The following TCFL5 variants were observed in gnomAD, a reference collection of about 807,000 sequenced individuals.
TCFL5 encodes the protein transcription factor-like 5 protein.
Under a neutral mutation model 44.3 loss-of-function variants are expected in TCFL5, and 9 were observed. The observed-to-expected ratio is 0.20, with a 90% CI of 0.12 to 0.35. The LOEUF (loss-of-function observed/expected upper bound fraction) is 0.35. Among genes scored for constraint, TCFL5 ranks in the 10% least tolerant of loss-of-function variants. The pLI is 1.00. For synonymous variants in TCFL5, 319 were observed against 271.6 expected, an observed-to-expected ratio of 1.17 and a Z score of -1.72; for missense variants, 603 against 613.4, an observed-to-expected ratio of 0.98 and a Z score of 0.18.
chr20:62,845,484 T>C, intron 5 of TCFL5: 1 of 1,386,670 alleles, frequency 7.2e-7, no homozygotes, highest in Non-Finnish European at 9.4e-7. Flanking sequence ...TTTGATAATT[T>C]CCTATATTCT....
chr20:62,841,938 T>TG lies in TCFL5; in HGVS notation c.*36dup, dbSNP rs1210767167. The stretch of plus-strand genomic sequence containing the variant: ...AAGGCGTGCACAGGTCACGAAGGAA[T>TG]GGCTGTTCACCCCCCGAGGATTCCT... On this transcript the variant is annotated 3_prime_UTR_variant, in exon 6 of 6. Coordinates refer to ENST00000335351, the MANE Select transcript of TCFL5 (RefSeq NM_006602.4). The TG allele has an allele frequency of 6.2e-7, 1 of 1,612,022 alleles. No homozygotes were observed. The highest frequency in any genetic ancestry group is 1.3e-5 in the African/African-American group (1 of 74,860).
At chr20:62,846,436 G>T (rs1006314051) in intron 5 of TCFL5, among the ~76,000 whole-genome samples, 1 of 152,200 alleles carries the variant, frequency 6.6e-6, no homozygotes, top group African/African-American at 2.4e-5. Flanking sequence ...GGCCAAAGAC[G>T]TGGTACTGAT....
At position 62,859,345 on chromosome 20, in the gene TCFL5, C is replaced by T. The variant is rs1229745967; in HGVS notation, c.994+19G>A. 1.3e-6 allele frequency: 2 copies of T among 1,598,952 alleles called. No homozygotes were observed. The highest frequency in any genetic ancestry group is 1.7e-6 in the Non-Finnish European group (2 of 1,170,244). On this transcript the variant is annotated intron_variant, in intron 3 of 5. Coordinates refer to ENST00000335351, the MANE Select transcript of TCFL5 (RefSeq NM_006602.4). ...TCAGTCAGAAGAAAGCTCCCACTAC[C>T]TGCTGCTTCATCGCTTACCTCCCAC...
intron 2 of TCFL5, among the ~76,000 whole-genome samples, chr20:62,859,825 A>G (rs536108104): frequency 6.6e-6 from 1 of 151,436 alleles, no homozygotes; most frequent in East Asian, 1.9e-4. Context: ...GGCTCAAGCG[A>G]TTCTCCCGCC....
intron 2 of TCFL5, among the ~76,000 whole-genome samples, 153 bp from the exon 3 acceptor site, chr20:62,859,679 C>T (rs1254961307): frequency 1.3e-5 from 2 of 151,916 alleles, no homozygotes; most frequent in Non-Finnish European, 2.9e-5. Context: ...ATTCGCATAC[C>T]ACATAAACAC....
chr20:62,854,524 C>A lies in TCFL5; in HGVS notation c.1239-367G>T, dbSNP rs536109958. ...TGTCTGACACCTTCTTCCATTTGGACCACTGAGGGGTCCAAATTGGGCAGA... is the reference window on the plus strand; with the variant it reads ...TGTCTGACACCTTCTTCCATTTGGAACACTGAGGGGTCCAAATTGGGCAGA... On this transcript the variant is annotated intron_variant, in intron 4 of 5. Transcript: ENST00000335351. Among the ~76,000 whole-genome samples the A allele has an allele frequency of 7.2e-5, 11 of 152,328 alleles. No individual in the cohort carries two copies. The East Asian group carries it at 1.9e-3, about 27-fold the overall frequency.
intron 5 of TCFL5, chr20:62,845,988 C>T: frequency 7.1e-7 from 1 of 1,413,668 alleles, no homozygotes; most frequent in Non-Finnish European, 9.4e-7. Flanking sequence ...AAGCTCCTGG[C>T]TTCGTGGAGA....
chr20:62,844,120 T>C (rs577958777), intron 5 of TCFL5, among the ~76,000 whole-genome samples: 3 of 152,350 alleles, frequency 2.0e-5, no homozygotes, highest in South Asian at 2.1e-4. Flanking sequence ...GGTGATTCTA[T>C]GTTGAACCTT....
intron 4 of TCFL5, among the ~76,000 whole-genome samples, chr20:62,856,614 G>C (rs187053241): frequency 6.7e-6 from 1 of 148,810 alleles, no homozygotes; most frequent in East Asian, 2.1e-4. Context: ...GCTGAGGCAG[G>C]AGAACGGCAT....
At chr20:62,847,785 G>A (rs11086142) in intron 5 of TCFL5, among the ~76,000 whole-genome samples, 19,759 of 152,226 alleles carry the variant, frequency 0.13, 1,760 homozygotes, top group Non-Finnish European at 0.19. Flanking sequence ...CGAGGCGGGC[G>A]GATCACCTGA....
At chr20:62,846,975 G>A (rs56365037) in intron 5 of TCFL5, among the ~76,000 whole-genome samples, 7,472 of 151,712 alleles carry the variant, frequency 0.049, 269 homozygotes, top group Middle Eastern at 0.11. Flanking sequence ...ACCTGAGGTC[G>A]GGAGTTCACG....
intron 5 of TCFL5, chr20:62,845,055 T>C (rs1451729426): frequency 5.1e-6 from 5 of 985,972 alleles, no homozygotes; most frequent in Non-Finnish European, 4.8e-6. Context: ...CCAAGCAAGC[T>C]GCCATTTCCA....
chr20:62,860,459 C>T, intron 1 of TCFL5, 151 bp from the exon 2 acceptor site: 1 of 690,340 alleles, frequency 1.4e-6, no homozygotes, highest in Non-Finnish European at 2.4e-6. Flanking sequence ...ACTATCGCTG[C>T]TGTGGAAGTC....
chr20:62,845,715 G>T, intron 5 of TCFL5: 1 of 1,606,776 alleles, frequency 6.2e-7, no homozygotes, highest in African/African-American at 1.3e-5. Context: ...ATATGACGAG[G>T]ACTCGGAGAC....
intron 4 of TCFL5, among the ~76,000 whole-genome samples, chr20:62,856,599 A>G (rs1299591149): frequency 6.7e-6 from 1 of 150,130 alleles, no homozygotes; most frequent in Non-Finnish European, 1.5e-5. Flanking sequence ...CCAGCTACTC[A>G]GGAGGCTGAG....
At chr20:62,855,244 TG>T (rs1308780488) in intron 4 of TCFL5, among the ~76,000 whole-genome samples, 6 of 152,186 alleles carry the variant, frequency 3.9e-5, no homozygotes, top group Non-Finnish European at 8.8e-5. Flanking sequence ...ACTACAGCGC[TG>T]ACCTCCCAGG....
intron 1 of TCFL5, among the ~76,000 whole-genome samples, chr20:62,860,820 C>T (rs2063986942): frequency 6.6e-6 from 1 of 152,202 alleles, no homozygotes; most frequent in Admixed American, 6.5e-5. Flanking sequence ...TGTTTAGTTT[C>T]TGGAAGTACC....
At chr20:62,852,049 A>G (rs1600842056) in intron 5 of TCFL5, 1 of 981,830 alleles carries the variant, frequency 1.0e-6, no homozygotes, top group African/African-American at 1.8e-5. Context: ...CAAATGATCC[A>G]CCCGCCTCGG....
intron 3 of TCFL5, 49 bp from the exon 4 acceptor site, chr20:62,857,687 A>T: frequency 6.3e-7 from 1 of 1,590,848 alleles, no homozygotes; most frequent in Admixed American, 1.7e-5. Context: ...TTCTTATCTC[A>T]ATTAATGCTG....
Sources: allele counts gnomAD v4.1 joint callset (sites outside exome capture counted in the v4.1 genomes callset), GRCh38; gene constraint gnomAD v4.1.1; transcripts MANE v1.5; gene names NCBI Gene and HGNC (gene_info 2026-07-23, HGNC 2026-07-21).